ITPR2: variants seen among roughly 807,000 people sequenced by gnomAD.
The protein encoded by ITPR2 is inositol 1,4,5-trisphosphate-gated calcium channel ITPR2.
Under a neutral mutation model 317.1 loss-of-function variants are expected in ITPR2, and 207 were observed. The ratio of observed to expected loss-of-function variants is 0.65; its 90% CI spans 0.58 to 0.73. The LOEUF is 0.73. ITPR2 is among the 30% of genes least tolerant of loss of function. The pLI, the probability that ITPR2 is intolerant of heterozygous loss-of-function variation, is 0.00. For synonymous variants in ITPR2, 1,156 were observed against 1,149.1 expected, an observed-to-expected ratio of 1.01 and a Z score of -0.12; for missense variants, 2,613 against 3,284.0, an observed-to-expected ratio of 0.80 and a Z score of 4.99.
At chr12:26,468,568 G>A (rs543503920) in intron 45 of ITPR2, among the ~76,000 whole-genome samples, 229 of 139,600 alleles carry the variant, frequency 1.6e-3, no homozygotes, top group Non-Finnish European at 1.6e-3. Flanking sequence ...TATAGAAACA[G>A]AAAAAAAAAA....
intron 55 of ITPR2, among the ~76,000 whole-genome samples, chr12:26,364,756 A>T (rs1591965047): frequency 6.6e-6 from 1 of 152,164 alleles, no homozygotes; most frequent in East Asian, 1.9e-4. Flanking sequence ...TTGTTAAATC[A>T]ATGCATAGGT....
At chr12:26,350,159 G>C (rs145227804) in intron 55 of ITPR2, among the ~76,000 whole-genome samples, 1,702 of 152,242 alleles carry the variant, frequency 0.011, 39 homozygotes, top group African/African-American at 0.037. Context: ...CTGGCTTCCT[G>C]ACTTTAGGGA....
chr12:26,468,334 T>A (rs1942219276), intron 45 of ITPR2, among the ~76,000 whole-genome samples: 1 of 152,168 alleles, frequency 6.6e-6, no homozygotes, highest in Non-Finnish European at 1.5e-5. Context: ...CAGAGTTTAC[T>A]AACAATATTG....
intron 34 of ITPR2, among the ~76,000 whole-genome samples, chr12:26,578,203 A>AC (rs141243743): frequency 6.7e-4 from 101 of 150,368 alleles, no homozygotes; most frequent in Non-Finnish European, 1.2e-3. Flanking sequence ...TCGACACCCC[A>AC]CCCCCATACA....
chr12:26,751,674 C>A (rs1028240641), intron 2 of ITPR2, among the ~76,000 whole-genome samples: 8 of 151,914 alleles, frequency 5.3e-5, no homozygotes, highest in Non-Finnish European at 8.8e-5. Flanking sequence ...CGAGACCAGC[C>A]TAGCAATATG....
chr12:26,382,764 A>G (rs1939548104), intron 55 of ITPR2, among the ~76,000 whole-genome samples: 1 of 152,198 alleles, frequency 6.6e-6, no homozygotes, highest in Admixed American at 6.5e-5. Context: ...GATGGATACA[A>G]AGACACATAT....
At chr12:26,462,921 C>T (rs944359421) in intron 45 of ITPR2, among the ~76,000 whole-genome samples, 4 of 152,276 alleles carry the variant, frequency 2.6e-5, no homozygotes, top group Middle Eastern at 6.8e-3. Flanking sequence ...ATCTACCTGC[C>T]TCAGCCTCTC....
At chr12:26,784,693 A>G (rs1167670799) in intron 2 of ITPR2, among the ~76,000 whole-genome samples, 1 of 151,334 alleles carries the variant, frequency 6.6e-6, no homozygotes, top group Admixed American at 6.6e-5. Context: ...GGCTCGCTAC[A>G]GCCTCCACCT....
At chr12:26,509,252 G>A (rs190405888) in intron 37 of ITPR2, among the ~76,000 whole-genome samples, 197 of 152,312 alleles carry the variant, frequency 1.3e-3, no homozygotes, top group Non-Finnish European at 2.0e-3. Flanking sequence ...GAAGAATGAA[G>A]AGTGACTGCT....
At chr12:26,635,747 T>C (rs1438062202) in intron 21 of ITPR2, among the ~76,000 whole-genome samples, 1 of 152,226 alleles carries the variant, frequency 6.6e-6, no homozygotes, top group East Asian at 1.9e-4. Context: ...AGCAGCTCCT[T>C]ATAAACCTGC....
intron 46 of ITPR2, among the ~76,000 whole-genome samples, chr12:26,442,008 G>C (rs189782710): frequency 6.6e-6 from 1 of 151,724 alleles, no homozygotes; most frequent in Admixed American, 6.6e-5. Flanking sequence ...AGCCATCTTC[G>C]ATATCACCTC....
chr12:26,702,161 G>A (rs1006850655), intron 9 of ITPR2, among the ~76,000 whole-genome samples: 1 of 152,060 alleles, frequency 6.6e-6, no homozygotes, highest in African/African-American at 2.4e-5. Context: ...CTATGACAAA[G>A]TGTCGATGAG....
At chr12:26,556,158 G>A in intron 36 of ITPR2, 75 bp downstream of exon 36, 2 of 1,428,618 alleles carry the variant, frequency 1.4e-6, no homozygotes, top group Admixed American at 2.0e-5. Context: ...TTATATCAGT[G>A]AAGTATAAAG....
chr12:26,501,519 C>T (rs1267513558), intron 37 of ITPR2, among the ~76,000 whole-genome samples: 1 of 152,152 alleles, frequency 6.6e-6, no homozygotes, highest in African/African-American at 2.4e-5. Flanking sequence ...CTTTGCCTAG[C>T]TTTCTTAAGA....
chr12:26,799,674 A>T (rs1950520033), intron 1 of ITPR2, among the ~76,000 whole-genome samples: 1 of 152,140 alleles, frequency 6.6e-6, no homozygotes, highest in Non-Finnish European at 1.5e-5. Context: ...CTCCATCTAA[A>T]ATAACTTCCT....
At chr12:26,709,896 C>T (rs1383654135) in intron 9 of ITPR2, among the ~76,000 whole-genome samples, 1 of 152,066 alleles carries the variant, frequency 6.6e-6, no homozygotes, top group East Asian at 1.9e-4. Context: ...TAGTTGAGCA[C>T]TAAATAATGT....
chr12:26,806,019 G>T (rs912228755), intron 1 of ITPR2, among the ~76,000 whole-genome samples: 29 of 152,154 alleles, frequency 1.9e-4, no homozygotes, highest in Admixed American at 6.5e-4. Flanking sequence ...AGAGACAGAA[G>T]TGGGAAGACC....
chr12:26,666,162 A>ATAGATAGATAGATAGATT (rs34107444), intron 13 of ITPR2, 111 bp from the exon 14 acceptor site: 62 of 400,530 alleles, frequency 1.5e-4, no homozygotes, highest in Middle Eastern at 6.3e-4. Flanking sequence ...AGATAGATAG[A>ATAGATAGATAGATAGATT]TTTTTTTTTA....
chr12:26,666,221 AAAT>A (rs1364991498), intron 13 of ITPR2, among the ~76,000 whole-genome samples, 170 bp from the exon 14 acceptor site: 1 of 151,966 alleles, frequency 6.6e-6, no homozygotes, highest in Non-Finnish European at 1.5e-5. Context: ...TCTTTTTATT[AAAT>A]AATAAGAACT....
Sources: allele counts gnomAD v4.1 joint callset (sites outside exome capture counted in the v4.1 genomes callset), GRCh38; gene constraint gnomAD v4.1.1; transcripts MANE v1.5; gene names NCBI Gene and HGNC (gene_info 2026-07-23, HGNC 2026-07-21).